Variants in SKAP2 observed in about 807,000 individuals in gnomAD.
SKAP2 encodes src kinase associated phosphoprotein 2, also known as src kinase-associated phosphoprotein 2.
A neutral mutation model predicts 54.9 loss-of-function variants in SKAP2; 28 were observed. The ratio of observed to expected loss-of-function variants is 0.51; its 90% CI spans 0.38 to 0.70. The LOEUF is 0.70. Ranked by LOEUF, SKAP2 falls within the 30% of genes least tolerant of loss-of-function variation. The pLI is 0.00. For missense variants in SKAP2, 356 were observed against 424.1 expected (o/e 0.84, Z 1.41); for synonymous variants, 137 against 134.3 (o/e 1.02, Z -0.14).
chr7:26,697,432 G>A (rs1346334118), intron 9 of SKAP2, among the ~76,000 whole-genome samples: 4 of 152,176 alleles, frequency 2.6e-5, no homozygotes, highest in Non-Finnish European at 5.9e-5. Context: ...TAGGTATTAG[G>A]AAGTTATGAA....
chr7:26,751,699 T>G (rs1281508855), intron 4 of SKAP2, among the ~76,000 whole-genome samples: 4 of 152,070 alleles, frequency 2.6e-5, no homozygotes, highest in African/African-American at 9.7e-5. Context: ...AAACAAGAGG[T>G]TTTTCCATAA....
intron 11 of SKAP2, among the ~76,000 whole-genome samples, chr7:26,681,110 C>A (rs1028205127): frequency 2.0e-5 from 3 of 152,090 alleles, no homozygotes; most frequent in African/African-American, 7.2e-5. Flanking sequence ...TGAAAACAAC[C>A]TAATCCCCAA....
At chr7:26,809,749 TC>T (rs1784101481) in intron 4 of SKAP2, among the ~76,000 whole-genome samples, 2 of 152,188 alleles carry the variant, frequency 1.3e-5, no homozygotes, top group African/African-American at 4.8e-5. Flanking sequence ...TAATCCCACT[TC>T]TGGGAATATA....
intron 4 of SKAP2, among the ~76,000 whole-genome samples, chr7:26,766,849 GT>G (rs1181007263): frequency 1.3e-5 from 2 of 152,160 alleles, no homozygotes; most frequent in East Asian, 1.9e-4. Flanking sequence ...GCTTTTTGAT[GT>G]GCTGCTGGAT....
intron 6 of SKAP2, among the ~76,000 whole-genome samples, chr7:26,729,905 T>C (rs1554296854): frequency 6.6e-6 from 1 of 152,070 alleles, no homozygotes; most frequent in Non-Finnish European, 1.5e-5. Flanking sequence ...TTTAACCAAG[T>C]AAAAATAATA....
chr7:26,703,549 T>C (rs556113390), intron 9 of SKAP2, among the ~76,000 whole-genome samples: 1 of 152,230 alleles, frequency 6.6e-6, no homozygotes, highest in South Asian at 2.1e-4. Context: ...AGTCCAGAAG[T>C]TTATATTACC....
intron 4 of SKAP2, among the ~76,000 whole-genome samples, chr7:26,829,175 T>C (rs1220740497): frequency 6.6e-6 from 1 of 152,160 alleles, no homozygotes; most frequent in Non-Finnish European, 1.5e-5. Context: ...TTACCAATCA[T>C]ATATCTGATA....
intron 4 of SKAP2, among the ~76,000 whole-genome samples, chr7:26,832,469 T>A (rs113161334): frequency 6.6e-6 from 1 of 152,158 alleles, no homozygotes; most frequent in African/African-American, 2.4e-5. Context: ...AAAGGAAGCA[T>A]AGACTAAGCA....
intron 4 of SKAP2, among the ~76,000 whole-genome samples, chr7:26,747,110 C>A (rs985750494): frequency 1.3e-5 from 2 of 152,000 alleles, no homozygotes; most frequent in African/African-American, 2.4e-5. Context: ...ATAATCACTG[C>A]CGTAACTCTA....
At chr7:26,798,701 T>A (rs1783839521) in intron 4 of SKAP2, among the ~76,000 whole-genome samples, 1 of 152,094 alleles carries the variant, frequency 6.6e-6, no homozygotes, top group Non-Finnish European at 1.5e-5. Context: ...AATAACTACT[T>A]TTCAAGACAC....
chr7:26,753,927 T>C (rs905639523), intron 4 of SKAP2, among the ~76,000 whole-genome samples: 3 of 152,134 alleles, frequency 2.0e-5, no homozygotes, highest in Non-Finnish European at 2.9e-5. Context: ...CACCTTAATA[T>C]CTACTTTCAC....
intron 4 of SKAP2, among the ~76,000 whole-genome samples, chr7:26,824,369 A>G (rs1327211663): frequency 6.6e-6 from 1 of 152,176 alleles, no homozygotes; most frequent in Non-Finnish European, 1.5e-5. Flanking sequence ...AAGAGGGTGC[A>G]TCCTTTTTAA....
chr7:26,737,389 C>T (rs1432206162), intron 6 of SKAP2, among the ~76,000 whole-genome samples: 1 of 152,134 alleles, frequency 6.6e-6, no homozygotes, highest in Non-Finnish European at 1.5e-5. Flanking sequence ...TCTGAACATA[C>T]TGTAAATTAG....
intron 4 of SKAP2, among the ~76,000 whole-genome samples, chr7:26,765,696 G>GT (rs1783036860): frequency 6.6e-6 from 1 of 152,168 alleles, no homozygotes; most frequent in Non-Finnish European, 1.5e-5. Context: ...TGACTAGGCA[G>GT]TTTTCCCAAC....
At chr7:26,681,613 G>A (rs1786501315) in intron 11 of SKAP2, among the ~76,000 whole-genome samples, 1 of 152,130 alleles carries the variant, frequency 6.6e-6, no homozygotes, top group Admixed American at 6.5e-5. Context: ...CACACTTTTA[G>A]AAGGTAAATC....
intron 4 of SKAP2, among the ~76,000 whole-genome samples, chr7:26,812,546 C>G (rs1051953019): frequency 3.9e-5 from 6 of 152,020 alleles, no homozygotes; most frequent in Non-Finnish European, 8.8e-5. Context: ...AAAAATCAAC[C>G]AATGGCAATT....
intron 4 of SKAP2, among the ~76,000 whole-genome samples, chr7:26,760,721 G>C (rs1164822521): frequency 6.6e-6 from 1 of 152,162 alleles, no homozygotes; most frequent in African/African-American, 2.4e-5. Context: ...CAAAACCTCA[G>C]ATAAGGGGTG....
intron 1 of SKAP2, among the ~76,000 whole-genome samples, chr7:26,862,649 A>C (rs902479241): frequency 2.0e-5 from 3 of 152,060 alleles, no homozygotes; most frequent in Non-Finnish European, 4.4e-5. Flanking sequence ...TTGAGTTTTT[A>C]GTTAAATTAC....
intron 9 of SKAP2, among the ~76,000 whole-genome samples, chr7:26,691,124 G>A (rs1339453501): frequency 1.3e-5 from 2 of 152,026 alleles, no homozygotes; most frequent in East Asian, 1.9e-4. Flanking sequence ...TGTGTCATTC[G>A]AACTTAAGTT....
Sources: gnomAD v4.1 joint callset for allele counts (sites outside exome capture counted in the v4.1 genomes callset) on GRCh38, gnomAD v4.1.1 for gene constraint, MANE v1.5 for transcripts, NCBI Gene and HGNC (gene_info 2026-07-23, HGNC 2026-07-21) for gene names.